The following KCNH7 variants were observed in gnomAD, a reference collection of about 807,000 sequenced individuals.
The protein encoded by KCNH7 is potassium voltage-gated channel subfamily H member 7.
In KCNH7, 49 loss-of-function variants were observed where a neutral mutation model predicts 120.8. The ratio of observed to expected loss-of-function variants is 0.41; its 90% CI spans 0.32 to 0.51. KCNH7 has a LOEUF of 0.51. Among genes scored for constraint, KCNH7 ranks in the 20% least tolerant of loss-of-function variants. The probability of loss-of-function intolerance (pLI) is 0.38; values close to 1 mark genes in which losing one functional copy is unlikely to be tolerated. For missense variants in KCNH7, 1,097 were observed against 1,446.6 expected (o/e 0.76, Z 3.92); for synonymous variants, 547 against 516.1 (o/e 1.06, Z -0.81).
rs148938064 is a variant in KCNH7 at position 162,379,941 on chromosome 2, C to T, written c.3043G>A (p.Ala1015Thr). The T allele has an allele frequency of 1.6e-4, 260 of 1,613,952 alleles. No homozygotes were observed. The highest frequency in any genetic ancestry group is 1.6e-4 in the Middle Eastern group (1 of 6,080). Residue 1015 changes from alanine (A) to threonine (T), a missense_variant, in exon 14 of 16, where the codon GCT becomes ACT. Coordinates refer to ENST00000332142, the MANE Select transcript of KCNH7 (RefSeq NM_033272.4). The stretch of plus-strand genomic sequence containing the variant: ...TCGGTTTCAGAGATACCCCAGGCAG[C>T]TCGCTGAAGTGCAGATGGACTGGAG... The part of the protein sequence containing the change: ...EDSSPSALQR[A>T]AWGISETESD...
At chr2:162,390,015 A>G (rs926639303) in intron 12 of KCNH7, among the ~76,000 whole-genome samples, 2 of 151,982 alleles carry the variant, frequency 1.3e-5, no homozygotes, top group Admixed American at 6.6e-5. Flanking sequence ...TGGGTACTCA[A>G]TGACAATGGA....
chr2:162,580,454 G>A (rs1329242753), intron 2 of KCNH7, among the ~76,000 whole-genome samples: 2 of 151,958 alleles, frequency 1.3e-5, no homozygotes. Flanking sequence ...GAACAGGGGA[G>A]GCTTCAAAGA....
chr2:162,452,494 T>A (rs1365756743), intron 6 of KCNH7, among the ~76,000 whole-genome samples: 1 of 151,932 alleles, frequency 6.6e-6, no homozygotes, highest in Non-Finnish European at 1.5e-5. Context: ...AGATCTGTGT[T>A]CAGCCATACA....
intron 2 of KCNH7, among the ~76,000 whole-genome samples, chr2:162,555,764 C>G (rs1044744776): frequency 2.6e-5 from 4 of 151,852 alleles, no homozygotes; most frequent in African/African-American, 9.7e-5. Context: ...AGATTAGCAG[C>G]CTTTTAGTGT....
chr2:162,461,135 A>G (rs1689133000), intron 6 of KCNH7, among the ~76,000 whole-genome samples: 1 of 152,198 alleles, frequency 6.6e-6, no homozygotes, highest in Non-Finnish European at 1.5e-5. Context: ...GAAGGACAAA[A>G]CAGGAATGCT....
chr2:162,490,316 A>C (rs1225984860), intron 6 of KCNH7, among the ~76,000 whole-genome samples: 1 of 152,244 alleles, frequency 6.6e-6, no homozygotes. Flanking sequence ...GATATATAGA[A>C]GCCCTTGTAT....
intron 2 of KCNH7, among the ~76,000 whole-genome samples, chr2:162,605,778 C>A (rs1041072640): frequency 2.0e-5 from 3 of 151,922 alleles, no homozygotes; most frequent in African/African-American, 7.2e-5. Flanking sequence ...CAGTATTCAC[C>A]CTTTCCCCTT....
chr2:162,781,070 T>A (rs1039166500), intron 2 of KCNH7, among the ~76,000 whole-genome samples: 3 of 152,040 alleles, frequency 2.0e-5, no homozygotes. Flanking sequence ...TTAAAGATAC[T>A]CTATTTTAAT....
In KCNH7 at chr2:162,423,552, A is replaced by G. The variant is rs1242428621; in HGVS notation, c.1955-17T>C. 1.2e-6 allele frequency: 2 copies of G among 1,607,374 alleles called. No individual in the cohort carries two copies. Among genetic ancestry groups the G allele is most frequent in the Non-Finnish European group, 1.7e-6 (2 of 1,175,326 alleles). On this transcript the variant is annotated splice_polypyrimidine_tract_variant and intron_variant, in intron 8 of 15. Transcript: ENST00000332142. ...ACATTAGTGCTGGATTGGATAAAAA[A>G]CAAAGTTATCGGGGAAACTGCACAT...
chr2:162,556,929 A>G (rs368276183), intron 2 of KCNH7, among the ~76,000 whole-genome samples: 7 of 152,348 alleles, frequency 4.6e-5, no homozygotes, highest in African/African-American at 1.7e-4. Flanking sequence ...GATTCACAGG[A>G]AGGAATGAAA....
chr2:162,400,904 C>A (rs1459432645), intron 9 of KCNH7, among the ~76,000 whole-genome samples: 4 of 151,820 alleles, frequency 2.6e-5, no homozygotes, highest in Admixed American at 1.3e-4. Context: ...AAAATGTTGA[C>A]CCTGAAATAG....
intron 2 of KCNH7, among the ~76,000 whole-genome samples, chr2:162,768,329 A>T (rs1329048852): frequency 7.2e-6 from 1 of 139,468 alleles, no homozygotes; most frequent in Non-Finnish European, 1.5e-5. Context: ...AGATTTTCTG[A>T]AGCTGGGTTT....
At chr2:162,651,998 T>C (rs867575430) in intron 2 of KCNH7, among the ~76,000 whole-genome samples, 6 of 152,218 alleles carry the variant, frequency 3.9e-5, no homozygotes, top group Non-Finnish European at 8.8e-5. Flanking sequence ...CACAAATATG[T>C]CTTCTTTTGA....
Position 162,517,715 on chromosome 2 carries a change from A to G in KCNH7, c.892+15T>C. 1 of 1,539,080 alleles carries G rather than the reference A, an allele frequency of 6.5e-7. No homozygotes were observed. The highest frequency in any genetic ancestry group is 8.8e-7 in the Non-Finnish European group (1 of 1,139,418). ...CATTAATATATGTTTCCATTTAAAA[A>G]AAAATCAAACATACCTTCGCTGGCA... On this transcript the variant is annotated intron_variant, in intron 4 of 15. Coordinates refer to ENST00000332142, the MANE Select transcript of KCNH7 (RefSeq NM_033272.4).
At chr2:162,672,855 A>C (rs1685405373) in intron 2 of KCNH7, among the ~76,000 whole-genome samples, 1 of 152,018 alleles carries the variant, frequency 6.6e-6, no homozygotes, top group African/African-American at 2.4e-5. Flanking sequence ...CACACCAATA[A>C]ACAAAATTAA....
intron 2 of KCNH7, among the ~76,000 whole-genome samples, chr2:162,781,024 T>C (rs1196268135): frequency 6.6e-6 from 1 of 152,100 alleles, no homozygotes; most frequent in African/African-American, 2.4e-5. Flanking sequence ...CCAATCTATA[T>C]TGTATAGAAT....
intron 2 of KCNH7, among the ~76,000 whole-genome samples, chr2:162,651,701 TC>T (rs375710714): frequency 1.3e-4 from 20 of 152,300 alleles, no homozygotes; most frequent in African/African-American, 4.6e-4. Context: ...TGATTTATAT[TC>T]CTCTGGCTAT....
intron 2 of KCNH7, among the ~76,000 whole-genome samples, chr2:162,757,752 T>A (rs1688836954): frequency 6.6e-6 from 1 of 152,184 alleles, no homozygotes; most frequent in Non-Finnish European, 1.5e-5. Context: ...AGACAATAAC[T>A]AGGGCATGCT....
At chr2:162,788,742 G>A (rs975469797) in intron 2 of KCNH7, among the ~76,000 whole-genome samples, 25 of 151,872 alleles carry the variant, frequency 1.6e-4, no homozygotes, top group Admixed American at 1.5e-3. Flanking sequence ...CTCTAAATAT[G>A]GAGAAGGAGA....
Sources: gnomAD v4.1 joint callset for allele counts (sites outside exome capture counted in the v4.1 genomes callset) on GRCh38, gnomAD v4.1.1 for gene constraint, MANE v1.5 for transcripts, NCBI Gene and HGNC (gene_info 2026-07-23, HGNC 2026-07-21) for gene names.